Variants in EIF2AK3 observed in about 807,000 individuals in gnomAD.
EIF2AK3 encodes eukaryotic translation initiation factor 2 alpha kinase 3.
In EIF2AK3, 50 loss-of-function variants were observed where a neutral mutation model predicts 113.5. That is an observed-to-expected ratio of 0.44 (90% CI 0.35 to 0.56). The LOEUF (loss-of-function observed/expected upper bound fraction) is 0.56. Ranked by LOEUF, EIF2AK3 falls within the 20% of genes least tolerant of loss-of-function variation. The pLI is 0.00. For missense variants in EIF2AK3, 1,185 were observed against 1,378.0 expected (o/e 0.86, Z 2.22); for synonymous variants, 448 against 495.4 (o/e 0.90, Z 1.27).
chr2:88,585,200 G>A (rs929908846), intron 9 of EIF2AK3, among the ~76,000 whole-genome samples: 1 of 152,150 alleles, frequency 6.6e-6, no homozygotes, highest in African/African-American at 2.4e-5. Flanking sequence ...ATATCTAGGA[G>A]GAAGGATTCG....
At chr2:88,558,830 A>C in intron 16 of EIF2AK3, 87 bp downstream of exon 16, 1 of 1,112,356 alleles carries the variant, frequency 9.0e-7, no homozygotes, top group African/African-American at 1.6e-5. Flanking sequence ...CTCATCTGTA[A>C]AATAGGGGAA....
At chr2:88,572,491 G>T (rs990881987) in intron 13 of EIF2AK3, among the ~76,000 whole-genome samples, 1 of 152,114 alleles carries the variant, frequency 6.6e-6, no homozygotes, top group Admixed American at 6.5e-5. Flanking sequence ...GGTGTCCTTG[G>T]TTTAAGTAGA....
rs1201941498 is a variant in EIF2AK3, at chr2:88,627,086, G to A, written c.189C>T (p.Gly63=). ...PTSATRVPAA[G]AVAAAEVTVE... is the part of the protein sequence containing the mutation. ...CAGTCACCTCGGCCGCAGCCACGGC[G>A]CCCGCCGCCGGTACTCGCGTCGCTG... Residue 63 remains glycine (G), a synonymous_variant, in exon 1 of 17, where the codon GGC becomes GGT. Coordinates refer to ENST00000303236, the MANE Select transcript of EIF2AK3 (RefSeq NM_004836.7). 9.7e-6 allele frequency: 15 copies of A among 1,551,190 alleles called. No homozygotes were observed. The African/African-American group carries it at 2.1e-4, about 22-fold the overall frequency.
rs2104412272 is a variant in EIF2AK3 at position 88,575,438 on chromosome 2, C to T, written c.2045G>A (p.Trp682Ter). 1 of 1,606,862 alleles carries T rather than the reference C, an allele frequency of 6.2e-7. No individual in the cohort carries two copies. Among genetic ancestry groups the T allele is most frequent in the Non-Finnish European group, 8.5e-7 (1 of 1,179,958 alleles). ...EIWLKDESTD[W>*]PLSSPSPMDA... ...CATTGGGCTAGGAGAGCTGAGTGGC[C>T]AGTCTGTGCTAAAAGTGGGAGAAAT... Residue 682 changes from tryptophan (W) to a stop codon, truncating the protein, a stop_gained, in exon 13 of 17, where the codon TGG becomes TAG. Coordinates refer to ENST00000303236, the MANE Select transcript of EIF2AK3 (RefSeq NM_004836.7). LOFTEE classifies it high-confidence loss of function.
At chr2:88,619,827 A>G (rs1675674679) in intron 1 of EIF2AK3, among the ~76,000 whole-genome samples, 2 of 151,944 alleles carry the variant, frequency 1.3e-5, no homozygotes, top group African/African-American at 4.8e-5. Flanking sequence ...GATGGCATGC[A>G]CCTGTAATCC....
intron 9 of EIF2AK3, among the ~76,000 whole-genome samples, chr2:88,584,487 A>C (rs949234455): frequency 9.8e-5 from 14 of 142,282 alleles, no homozygotes; most frequent in Admixed American, 2.9e-4. Context: ...ACTGCATTCC[A>C]GCTTGGGTGA....
chr2:88,584,828 G>A (rs1674678781), intron 9 of EIF2AK3, among the ~76,000 whole-genome samples: 2 of 152,136 alleles, frequency 1.3e-5, no homozygotes, highest in African/African-American at 2.4e-5. Flanking sequence ...CGAGAGCACG[G>A]TCTACAGGAA....
intron 2 of EIF2AK3, among the ~76,000 whole-genome samples, chr2:88,606,310 A>G: frequency 6.7e-6 from 1 of 148,224 alleles, no homozygotes; most frequent in South Asian, 2.1e-4. Context: ...TAAAAAAATA[A>G]AATAAAAAAT....
chr2:88,588,698 A>G (rs1674800888), intron 7 of EIF2AK3, 63 bp downstream of exon 7: 1 of 1,582,286 alleles, frequency 6.3e-7, no homozygotes, highest in South Asian at 1.1e-5. Flanking sequence ...AACTAGGGCA[A>G]AGACAGTCAG....
intron 1 of EIF2AK3, among the ~76,000 whole-genome samples, chr2:88,616,207 G>C (rs900381649): frequency 1.3e-5 from 2 of 151,858 alleles, no homozygotes; most frequent in African/African-American, 4.8e-5. Flanking sequence ...CTGGTTTCAG[G>C]CCTCTCCCCT....
At position 88,557,872 on chromosome 2, in the gene EIF2AK3, A is replaced by G. The variant is rs1458891483; in HGVS notation, c.3215T>C (p.Ile1072Thr). Residue 1072 changes from isoleucine to threonine, a missense_variant, in exon 17 of 17, where the codon ATT becomes ACT. Ile to Thr is a moderately conservative substitution (Grantham distance 89). Coordinates refer to ENST00000303236, the MANE Select transcript of EIF2AK3 (RefSeq NM_004836.7). ...PMERPEAINI[I>T]ENAVFEDLDF... The stretch of plus-strand genomic sequence containing the variant: ...CAAGTCCTCAAATACAGCATTTTCA[A>G]TGATGTTTATAGCTTCAGGTCGTTC... 3 of 1,614,124 alleles carry G rather than the reference A, an allele frequency of 1.9e-6. No homozygotes were observed. Among genetic ancestry groups the G allele is most frequent in the Admixed American group, 1.7e-5 (1 of 60,024 alleles).
intron 2 of EIF2AK3, among the ~76,000 whole-genome samples, chr2:88,603,861 T>C (rs547592351): frequency 2.6e-5 from 4 of 152,220 alleles, no homozygotes; most frequent in Non-Finnish European, 5.9e-5. Flanking sequence ...TTAGCATCTC[T>C]GCTTGGAGAG....
intron 2 of EIF2AK3, among the ~76,000 whole-genome samples, chr2:88,608,069 G>A (rs920417613): frequency 6.6e-6 from 1 of 152,112 alleles, no homozygotes; most frequent in African/African-American, 2.4e-5. Flanking sequence ...TTCCTGTGTG[G>A]CTTTAGTATT....
chr2:88,621,518 G>A (rs1675722214), intron 1 of EIF2AK3, among the ~76,000 whole-genome samples: 1 of 152,176 alleles, frequency 6.6e-6, no homozygotes, highest in Admixed American at 6.5e-5. Flanking sequence ...AACTATAAAT[G>A]TGATTTGGTT....
At chr2:88,592,928 C>T (rs1018529243) in intron 4 of EIF2AK3, among the ~76,000 whole-genome samples, 3 of 152,074 alleles carry the variant, frequency 2.0e-5, no homozygotes, top group Non-Finnish European at 4.4e-5. Flanking sequence ...GATCACCTGA[C>T]GTCGGGAGTT....
At chr2:88,561,201 GC>G (rs965640605) in intron 15 of EIF2AK3, among the ~76,000 whole-genome samples, 27 of 151,632 alleles carry the variant, frequency 1.8e-4, no homozygotes, top group African/African-American at 6.5e-4. Flanking sequence ...TGATCTTCCT[GC>G]TTGAGCCTCC....
Position 88,590,483 on chromosome 2 carries a change from T to C in EIF2AK3, c.1125A>G (p.Val375=), listed in dbSNP as rs772210750. The change falls in exon 6 of 17, where the codon GTA becomes GTG. Residue 375 remains valine (V), a synonymous_variant. Coordinates refer to ENST00000303236, the MANE Select transcript of EIF2AK3 (RefSeq NM_004836.7). The part of the protein sequence containing the change: ...DDVLEDEEDI[V]EAARGATENS... ...TTTCTGTGGCTCCTCTGGCAGCTTC[T>C]ACAATGTCTTCTTCATCTTCTAAAA... The C allele has an allele frequency of 1.9e-6, 3 of 1,613,994 alleles. No individual in the cohort carries two copies. Among genetic ancestry groups the C allele is most frequent in the Non-Finnish European group, 2.5e-6 (3 of 1,179,964 alleles).
chr2:88,566,522 T>C (rs1674133208), intron 14 of EIF2AK3, among the ~76,000 whole-genome samples: 1 of 149,688 alleles, frequency 6.7e-6, no homozygotes, highest in South Asian at 2.1e-4. Flanking sequence ...TAAAAACTCT[T>C]TTTTTTTTTA....
intron 1 of EIF2AK3, among the ~76,000 whole-genome samples, chr2:88,615,010 T>C (rs1318231137): frequency 6.6e-6 from 1 of 152,234 alleles, no homozygotes; most frequent in East Asian, 1.9e-4. Flanking sequence ...ATGTTAACCA[T>C]TCATGTCTCC....
Sources: gnomAD v4.1 joint callset for allele counts (sites outside exome capture counted in the v4.1 genomes callset) on GRCh38, gnomAD v4.1.1 for gene constraint, MANE v1.5 for transcripts, NCBI Gene and HGNC (gene_info 2026-07-23, HGNC 2026-07-21) for gene names.